Variants in DCTN1 observed in about 807,000 individuals in gnomAD.
DCTN1 encodes the protein dynactin subunit 1, also known as 150 kDa dynein-associated polypeptide.
A neutral mutation model predicts 161.2 loss-of-function variants in DCTN1; 61 were observed. That is an observed-to-expected ratio of 0.38 (90% CI 0.31 to 0.47). DCTN1 has a LOEUF of 0.47. Ranked by LOEUF, DCTN1 falls within the 20% of genes least tolerant of loss-of-function variation. DCTN1 has a pLI of 0.99. For missense variants in DCTN1, 1,404 were observed against 1,623.7 expected (o/e 0.86, Z 2.33); for synonymous variants, 653 against 632.4 (o/e 1.03, Z -0.49).
Position 74,361,541 on chromosome 2 carries a change from G to A in DCTN1, c.3795C>T (p.Thr1265=). 6.2e-7 allele frequency: 1 copy of A among 1,614,162 alleles called. No individual in the cohort carries two copies. Among genetic ancestry groups the A allele is most frequent in the Non-Finnish European group, 8.5e-7 (1 of 1,180,026 alleles). ...TGTGAAGCTGGTGCAGCTGCTCCTG[G>A]GTCAGCACCAGCCGGTGTCGCTGTC... ...GFGQRHRLVL[T]QEQLHQLHSR... Residue 1265 remains threonine (T), a synonymous_variant, in exon 32 of 32, where the codon ACC becomes ACT. Transcript: ENST00000628224.
intron 1 of DCTN1, chr2:74,391,759 C>T (rs751790113): frequency 2.2e-6 from 1 of 452,946 alleles, no homozygotes; most frequent in South Asian, 1.6e-5. Context: ...AGGGGGCCGG[C>T]GGAGCAGACG....
intron 1 of DCTN1, among the ~76,000 whole-genome samples, chr2:74,386,415 C>G (rs1412838032): frequency 6.6e-5 from 10 of 152,132 alleles, no homozygotes; most frequent in Non-Finnish European, 1.0e-4. Flanking sequence ...CATGAGAATG[C>G]CTGAAAAGCA....
At position 74,363,294 on chromosome 2, in the gene DCTN1, C is replaced by T. The variant is rs1442069603; in HGVS notation, c.3345G>A (p.Lys1115=). 3 of 1,614,044 alleles carry T rather than the reference C, an allele frequency of 1.9e-6. No individual in the cohort carries two copies. The highest frequency in any genetic ancestry group is 2.5e-6 in the Non-Finnish European group (3 of 1,179,978). The change falls in exon 28 of 32, where the codon AAG becomes AAA. Residue 1115 remains lysine (K), a splice_region_variant and synonymous_variant. Transcript: ENST00000628224. ...SQLQHENSIL[K]GAQMKASLAS... ...CCAGTCCTCCCCGTGGCTCCCTCACCTTGAGGATGCTGTTCTCATGCTGGA... is the reference window on the plus strand; with the variant it reads ...CCAGTCCTCCCCGTGGCTCCCTCACTTTGAGGATGCTGTTCTCATGCTGGA...
chr2:74,371,197 G>A (rs111760077), intron 8 of DCTN1, 21 bp from the exon 9 acceptor site: 50 of 1,612,038 alleles, frequency 3.1e-5, no homozygotes, highest in South Asian at 2.7e-4. Context: ...GAGGCCTCAC[G>A]GTCTGTGCAC....
At chr2:74,379,509 T>C (rs1675411412) in intron 1 of DCTN1, among the ~76,000 whole-genome samples, 1 of 152,082 alleles carries the variant, frequency 6.6e-6, no homozygotes, top group Admixed American at 6.5e-5. Context: ...CTCATGGACC[T>C]GACAATAAAA....
At chr2:74,371,363 G>A in intron 8 of DCTN1, 174 bp downstream of exon 8, 2 of 1,357,676 alleles carry the variant, frequency 1.5e-6, no homozygotes, top group Non-Finnish European at 1.0e-6. Context: ...ATGGCATAAG[G>A]GCAAGAAAGG....
intron 5 of DCTN1, among the ~76,000 whole-genome samples, chr2:74,376,492 T>G (rs1362876622): frequency 6.6e-6 from 1 of 152,216 alleles, no homozygotes; most frequent in African/African-American, 2.4e-5. Context: ...AGTTTTTGAT[T>G]GGGGAATCTT....
chr2:74,386,986 C>T (rs115325484), intron 1 of DCTN1: 119 of 152,372 alleles, frequency 7.8e-4, no homozygotes, highest in African/African-American at 2.8e-3. Context: ...CAAGCTGCCA[C>T]CATTCTGTAT....
rs1435999777 is a variant in DCTN1, at chr2:74,370,830, G to C, written c.844-5C>G. On this transcript the variant is annotated splice_region_variant and splice_polypyrimidine_tract_variant and intron_variant, in intron 9 of 31. Transcript: ENST00000628224. The surrounding 1 kb of genome is among the most constrained non-coding windows in gnomAD (Gnocchi z 4.4). ...CTCCAGCGCCTCCTTGGCTTCCTGA[G>C]GAAGAAGTGGAGGTGGGAGGGGGTA... 6.2e-7 allele frequency: 1 copy of C among 1,614,050 alleles called. No individual in the cohort carries two copies. The highest frequency in any genetic ancestry group is 1.3e-5 in the African/African-American group (1 of 74,924).
Position 74,366,455 on chromosome 2 carries a change from C to A in DCTN1, c.2628+4G>T. 6.2e-7 allele frequency: 1 copy of A among 1,614,218 alleles called. No homozygotes were observed. The highest frequency in any genetic ancestry group is 8.5e-7 in the Non-Finnish European group (1 of 1,180,048). ...ACACCTTCTACCCAGCCATCCAGGC[C>A]CACCTGCTCGCTTGCTTTGAAAGCC... On this transcript the variant is annotated splice_donor_region_variant and intron_variant, in intron 22 of 31. Coordinates refer to ENST00000628224, the MANE Select transcript of DCTN1 (RefSeq NM_004082.5).
chr2:74,363,041 T>A lies in DCTN1; in HGVS notation c.3482A>T (p.Gln1161Leu). The change falls in exon 29 of 32, where the codon CAA becomes CTA. Residue 1161 changes from glutamine to leucine, a missense_variant. Around this residue, in one of 9 missense-constraint regions of DCTN1, gnomAD observed 311 missense variants for 298.9 expected, o/e 1.04. Coordinates refer to ENST00000628224, the MANE Select transcript of DCTN1 (RefSeq NM_004082.5). The stretch of plus-strand genomic sequence containing the variant: ...TACTACGTGCGTGTGTGTGCTCAAT[T>A]GATTCAATGTCTCCAGCAGCTGGCT... ...KTSQLLETLN[Q>L]LSTHTHVVDI... 1 of 1,613,930 alleles carries A rather than the reference T, an allele frequency of 6.2e-7. No individual in the cohort carries two copies. The highest frequency in any genetic ancestry group is 1.1e-5 in the South Asian group (1 of 91,052).
At chr2:74,374,271 T>G in intron 6 of DCTN1, 52 bp downstream of exon 6, 8 of 1,289,248 alleles carry the variant, frequency 6.2e-6, no homozygotes, top group Non-Finnish European at 8.8e-6. Context: ...AGCAGCCTGC[T>G]GCCACCATTG....
In DCTN1 at chr2:74,380,077, AAGAC is replaced by A; in HGVS notation, c.-44_-41del. On this transcript the variant is annotated 5_prime_UTR_variant, in exon 1 of 32. Coordinates refer to ENST00000628224, the MANE Select transcript of DCTN1 (RefSeq NM_004082.5). ...CTCTACCCCCTCCCCCAGCTGGCCA[AAGAC>A]AGAGAGAAAAGGTAGAAACCTAGGC... The A allele has an allele frequency of 4.3e-6, 7 of 1,612,802 alleles. No homozygotes were observed. The highest frequency in any genetic ancestry group is 5.9e-6 in the Non-Finnish European group (7 of 1,179,188).
upstream of DCTN1, among the ~76,000 whole-genome samples, chr2:74,381,107 T>C (rs1452126334): frequency 6.6e-6 from 1 of 152,244 alleles, no homozygotes; most frequent in Non-Finnish European, 1.5e-5. Context: ...ACTTTTATAA[T>C]TAGAATTGTT....
intron 16 of DCTN1, 80 bp from the exon 17 acceptor site, chr2:74,368,211 T>G: frequency 2.0e-6 from 3 of 1,533,258 alleles, no homozygotes; most frequent in Non-Finnish European, 2.6e-6. Flanking sequence ...TACTCAGAGC[T>G]TAACTATGTG....
At chr2:74,382,417 T>C (rs1675549712), upstream of DCTN1, among the ~76,000 whole-genome samples, 1 of 151,376 alleles carries the variant, frequency 6.6e-6, no homozygotes, top group South Asian at 2.1e-4. Context: ...CTGGCTGACA[T>C]GGTGAAACCC....
intron 19 of DCTN1, 65 bp from the exon 20 acceptor site, chr2:74,367,172 C>CT: frequency 6.3e-7 from 1 of 1,596,724 alleles, no homozygotes; most frequent in Non-Finnish European, 8.6e-7. Flanking sequence ...ATCAACATCT[C>CT]TAAGAAGTCC....
rs767833292 is a variant in DCTN1 at position 74,361,419 on chromosome 2, G to T, written c.*80C>A. ...GCTTAACCCACGTTTCTACCTGGGGGCTGGCTGAGGTGGCTGTGCATCGGG... is the reference window on the plus strand; with the variant it reads ...GCTTAACCCACGTTTCTACCTGGGGTCTGGCTGAGGTGGCTGTGCATCGGG... On this transcript the variant is annotated 3_prime_UTR_variant, in exon 32 of 32. Transcript: ENST00000628224. 6.2e-7 allele frequency: 1 copy of T among 1,600,746 alleles called. No homozygotes were observed. Among genetic ancestry groups the T allele is most frequent in the Non-Finnish European group, 8.5e-7 (1 of 1,171,892 alleles).
chr2:74,365,734 A>G lies in DCTN1; in HGVS notation c.2887-77T>C, dbSNP rs1332354564. 1.3e-5 allele frequency: 21 copies of G among 1,612,744 alleles called. No homozygotes were observed. In the East Asian group the frequency reaches 2.2e-4, roughly 17 times the overall value. On this transcript the variant is annotated intron_variant, in intron 24 of 31. Transcript: ENST00000628224. Reference sequence around the variant, plus strand: ...GAAACTGGGGGCTAGACCATGAGATAGTAGGTTCCCTGAGGGCTCACCACA... The same window carrying G: ...GAAACTGGGGGCTAGACCATGAGATGGTAGGTTCCCTGAGGGCTCACCACA...
Sources: gnomAD v4.1 joint callset for allele counts (sites outside exome capture counted in the v4.1 genomes callset) on GRCh38, gnomAD v4.1.1 for gene constraint, gnomAD v4.1.1 regional missense constraint, Gnocchi (gnomAD v3.1) non-coding constraint, MANE v1.5 for transcripts, NCBI Gene and HGNC (gene_info 2026-07-23, HGNC 2026-07-21) for gene names.